Variants in MYT1L observed in about 807,000 individuals in gnomAD.
The protein encoded by MYT1L is myelin transcription factor 1 like, also known as myelin transcription factor 1-like protein.
In MYT1L, 12 loss-of-function variants were observed where a neutral mutation model predicts 126.7. The ratio of observed to expected loss-of-function variants is 0.09; its 90% CI spans 0.06 to 0.15. The LOEUF (loss-of-function observed/expected upper bound fraction) is 0.15. MYT1L is among the 10% of genes least tolerant of loss of function. The pLI, the probability that MYT1L is intolerant of heterozygous loss-of-function variation, is 1.00. For missense variants in MYT1L, 979 were observed against 1,585.2 expected, an observed-to-expected ratio of 0.62 and a Z score of 6.49; for synonymous variants, 541 against 604.2, an observed-to-expected ratio of 0.90 and a Z score of 1.53.
intron 8 of MYT1L, among the ~76,000 whole-genome samples, chr2:1,957,031 G>A (rs1371714375): frequency 6.6e-6 from 1 of 152,226 alleles, no homozygotes; most frequent in Admixed American, 6.5e-5. Flanking sequence ...GATGCCTCAT[G>A]TGGCTGGGAC....
At chr2:2,135,196 G>T (rs1196525800) in intron 3 of MYT1L, among the ~76,000 whole-genome samples, 1 of 152,170 alleles carries the variant, frequency 6.6e-6, no homozygotes, top group African/African-American at 2.4e-5. Flanking sequence ...CGTGTCATGG[G>T]AGGGGCCTGG....
chr2:2,111,271 T>C (rs577134619), intron 3 of MYT1L, among the ~76,000 whole-genome samples: 7 of 152,314 alleles, frequency 4.6e-5, no homozygotes, highest in African/African-American at 1.2e-4. Context: ...TGGTCAAAGA[T>C]GTCCTTGGCA....
At chr2:1,924,616 T>C (rs111763729) in intron 9 of MYT1L, among the ~76,000 whole-genome samples, 1,561 of 152,312 alleles carry the variant, frequency 0.01, 26 homozygotes, top group African/African-American at 0.036. Context: ...AATATCCTTA[T>C]TATCCCACGC....
chr2:2,187,685 C>T (rs941282668), intron 2 of MYT1L, among the ~76,000 whole-genome samples: 6 of 152,062 alleles, frequency 3.9e-5, no homozygotes, highest in African/African-American at 1.4e-4. Flanking sequence ...CCATTGCATT[C>T]ATGGCTGAAT....
intron 4 of MYT1L, among the ~76,000 whole-genome samples, chr2:2,013,500 G>A (rs2064043908): frequency 6.6e-6 from 1 of 152,212 alleles, no homozygotes; most frequent in African/African-American, 2.4e-5. Context: ...GTGGCCCACT[G>A]GAGCCTGGAA....
At chr2:2,314,865 T>C (rs2096038119) in intron 1 of MYT1L, among the ~76,000 whole-genome samples, 2 of 152,074 alleles carry the variant, frequency 1.3e-5, no homozygotes, top group Admixed American at 6.6e-5. Context: ...ATCTCAGAAA[T>C]AAGACTGCAC....
intron 3 of MYT1L, among the ~76,000 whole-genome samples, chr2:2,134,842 A>G (rs2082836566): frequency 6.6e-6 from 1 of 152,140 alleles, no homozygotes; most frequent in African/African-American, 2.4e-5. Flanking sequence ...ACTCCTTAAC[A>G]TGTATTGCAA....
chr2:1,832,866 T>A lies in MYT1L; in HGVS notation c.3080+6283A>T, dbSNP rs80304093. ...GCTGGCCTGGCACCATGTTGCAGCA[T>A]CTGTAATCTCCTTCACCCCAGTCCA... On this transcript the variant is annotated intron_variant, in intron 21 of 24. Coordinates refer to ENST00000647738, the MANE Select transcript of MYT1L (RefSeq NM_001303052.2). 2.6e-3 allele frequency among the ~76,000 whole-genome samples: 403 copies of A among 152,326 alleles called. 2 individuals are homozygous for A. The highest frequency in any genetic ancestry group is 9.3e-3 in the African/African-American group (388 of 41,574).
At chr2:2,218,981 A>T (rs1244752820) in intron 2 of MYT1L, among the ~76,000 whole-genome samples, 1 of 152,148 alleles carries the variant, frequency 6.6e-6, no homozygotes, top group Non-Finnish European at 1.5e-5. Context: ...TTGAAATAAG[A>T]AGCATAAAGA....
intron 18 of MYT1L, among the ~76,000 whole-genome samples, chr2:1,869,164 C>T (rs572239833): frequency 2.1e-5 from 3 of 146,126 alleles, no homozygotes; most frequent in Non-Finnish European, 4.5e-5. Context: ...CTCTTTTCCA[C>T]GTGCCACTGT....
chr2:2,036,691 G>T (rs960134481), intron 4 of MYT1L, among the ~76,000 whole-genome samples: 46 of 152,200 alleles, frequency 3.0e-4, no homozygotes, highest in African/African-American at 1.1e-3. Context: ...AATGATCATA[G>T]TCTGAGCTAC....
chr2:2,207,463 T>C (rs1294793192), intron 2 of MYT1L, among the ~76,000 whole-genome samples: 1 of 152,156 alleles, frequency 6.6e-6, no homozygotes, highest in East Asian at 1.9e-4. Context: ...GTGTTGAGCT[T>C]ACGTAGTACA....
At position 1,986,265 on chromosome 2, in the gene MYT1L, A is replaced by G. The variant is rs189234916; in HGVS notation, c.1-6488T>C. Among the ~76,000 whole-genome samples, 235 of 152,348 alleles carry G rather than the reference A, an allele frequency of 1.5e-3. 1 individual carries two copies. Among genetic ancestry groups the G allele is most frequent in the Non-Finnish European group, 2.4e-3 (161 of 68,032 alleles). On this transcript the variant is annotated intron_variant, in intron 5 of 24. Coordinates refer to ENST00000647738, the MANE Select transcript of MYT1L (RefSeq NM_001303052.2). ...AAATATCCACTCCACATGCAGCCAG[A>G]AGACACCTACGCCTCTATTTCCACA...
intron 2 of MYT1L, among the ~76,000 whole-genome samples, chr2:2,218,821 C>T (rs1003340044): frequency 1.4e-4 from 22 of 152,152 alleles, no homozygotes; most frequent in Admixed American, 5.9e-4. Context: ...CTTTTCCTTT[C>T]GAAGACGTGA....
rs572690540 is a variant in MYT1L at position 1,870,177 on chromosome 2, G to A, written c.2711+16362C>T. Among the ~76,000 whole-genome samples, 26 of 152,110 alleles carry A rather than the reference G, an allele frequency of 1.7e-4. 1 individual carries two copies. Among genetic ancestry groups the A allele is most frequent in the Non-Finnish European group, 3.1e-4 (21 of 68,030 alleles). ...AAACTATTCATTGAAATCATTTCACGGTGCAGAGAAAGCTTGTTGCTTTGG... is the reference window on the plus strand; with the variant it reads ...AAACTATTCATTGAAATCATTTCACAGTGCAGAGAAAGCTTGTTGCTTTGG... On this transcript the variant is annotated intron_variant, in intron 18 of 24. Transcript: ENST00000647738.
chr2:2,243,070 G>T (rs1338872033), intron 2 of MYT1L, among the ~76,000 whole-genome samples: 1 of 152,188 alleles, frequency 6.6e-6, no homozygotes, highest in African/African-American at 2.4e-5. Context: ...ATGTCAATGG[G>T]AGCAGGGGAG....
intron 5 of MYT1L, among the ~76,000 whole-genome samples, chr2:1,993,059 C>G (rs1455739074): frequency 1.3e-5 from 2 of 152,214 alleles, no homozygotes; most frequent in Non-Finnish European, 2.9e-5. Flanking sequence ...GGCTCACTGG[C>G]TTCCCCCTAC....
At chr2:2,094,722 T>A (rs1234251828) in intron 3 of MYT1L, among the ~76,000 whole-genome samples, 1 of 129,914 alleles carries the variant, frequency 7.7e-6, no homozygotes, top group Non-Finnish European at 1.5e-5. Context: ...AATTGAATAA[T>A]GAGAACACTT....
intron 3 of MYT1L, among the ~76,000 whole-genome samples, chr2:2,065,358 G>C (rs950748381): frequency 6.6e-6 from 1 of 152,038 alleles, no homozygotes; most frequent in Non-Finnish European, 1.5e-5. Context: ...TATATTCAAA[G>C]TTAGAATTTA....
Sources: allele counts gnomAD v4.1 joint callset (sites outside exome capture counted in the v4.1 genomes callset), GRCh38; gene constraint gnomAD v4.1.1; transcripts MANE v1.5; gene names NCBI Gene and HGNC (gene_info 2026-07-23, HGNC 2026-07-21).